Variants in ASTN1 observed in about 807,000 individuals in gnomAD.
ASTN1 encodes astrotactin-1.
In ASTN1, 41 loss-of-function variants were observed where a neutral mutation model predicts 140.7. The observed-to-expected ratio is 0.29, with a 90% CI of 0.23 to 0.38. The LOEUF (loss-of-function observed/expected upper bound fraction) is 0.38, where lower values mean the gene tolerates loss of function less well. ASTN1 is among the 10% of genes least tolerant of loss of function. The pLI is 1.00. For missense variants in ASTN1, 1,479 were observed against 1,678.8 expected, an observed-to-expected ratio of 0.88 and a Z score of 2.08; for synonymous variants, 640 against 652.2, an observed-to-expected ratio of 0.98 and a Z score of 0.29.
intron 1 of ASTN1, among the ~76,000 whole-genome samples, chr1:177,130,666 C>G (rs1185072806): frequency 6.6e-6 from 1 of 152,204 alleles, no homozygotes; most frequent in Non-Finnish European, 1.5e-5. Context: ...AAGTAATGCT[C>G]TAAACCCCCA....
At chr1:177,148,193 C>T (rs976820450) in intron 1 of ASTN1, among the ~76,000 whole-genome samples, 2 of 151,930 alleles carry the variant, frequency 1.3e-5, no homozygotes, top group Non-Finnish European at 2.9e-5. Context: ...CCGAGGCAGG[C>T]GGATCACAAG....
At chr1:177,054,577 TG>T (rs1677705833) in intron 2 of ASTN1, among the ~76,000 whole-genome samples, 1 of 152,112 alleles carries the variant, frequency 6.6e-6, no homozygotes, top group South Asian at 2.1e-4. Context: ...CATTCACCTG[TG>T]GGATAACCTG....
Position 176,946,132 on chromosome 1 carries a change from G to A in ASTN1, c.2055-12C>T. 1 of 1,568,602 alleles carries A rather than the reference G, an allele frequency of 6.4e-7. No homozygotes were observed. The highest frequency in any genetic ancestry group is 8.7e-7 in the Non-Finnish European group (1 of 1,149,732). The stretch of plus-strand genomic sequence containing the variant: ...AGTCCTCGATGCACCTAGCACAGAG[G>A]AGAGCTCAATATAAGAAGTTATTCC... On this transcript the variant is annotated splice_polypyrimidine_tract_variant and intron_variant, in intron 12 of 22. Coordinates refer to ENST00000361833, the MANE Select transcript of ASTN1 (RefSeq NM_004319.3).
intron 1 of ASTN1, among the ~76,000 whole-genome samples, chr1:177,157,500 A>T (rs1202050082): frequency 6.6e-6 from 1 of 152,064 alleles, no homozygotes; most frequent in Non-Finnish European, 1.5e-5. Context: ...TTTTTTGTAG[A>T]GATGGGGTTT....
intron 8 of ASTN1, among the ~76,000 whole-genome samples, chr1:176,997,019 G>A (rs532329446): frequency 1.3e-5 from 2 of 152,274 alleles, no homozygotes; most frequent in Middle Eastern, 3.4e-3. Context: ...TTGGCCAGTG[G>A]TCAGCTGAAA....
intron 1 of ASTN1, among the ~76,000 whole-genome samples, chr1:177,128,684 T>C (rs1681795138): frequency 6.6e-6 from 1 of 152,198 alleles, no homozygotes; most frequent in Non-Finnish European, 1.5e-5. Context: ...TTATGGTCTT[T>C]GGGTATTAGA....
At chr1:177,095,879 C>T (rs948859275) in intron 1 of ASTN1, among the ~76,000 whole-genome samples, 1 of 152,168 alleles carries the variant, frequency 6.6e-6, no homozygotes, top group Non-Finnish European at 1.5e-5. Context: ...GGAGAGCTGC[C>T]TCATCAGCTG....
chr1:176,881,698 T>C (rs1006412594), intron 20 of ASTN1, among the ~76,000 whole-genome samples: 1 of 152,228 alleles, frequency 6.6e-6, no homozygotes, highest in African/African-American at 2.4e-5. Context: ...TCTGTGTCTA[T>C]ATATACTGTC....
At chr1:177,078,000 A>C (rs1267297211) in intron 1 of ASTN1, among the ~76,000 whole-genome samples, 1 of 152,182 alleles carries the variant, frequency 6.6e-6, no homozygotes, top group Non-Finnish European at 1.5e-5. Context: ...TGCACAGGGA[A>C]AGCACAGATG....
intron 1 of ASTN1, among the ~76,000 whole-genome samples, chr1:177,075,443 C>A (rs1279527530): frequency 6.8e-6 from 1 of 146,746 alleles, no homozygotes; most frequent in Non-Finnish European, 1.5e-5. Context: ...AAAAAAAATA[C>A]TAAGTAGCTT....
At position 177,014,811 on chromosome 1, in the gene ASTN1, G is replaced by A. The variant is rs375640704; in HGVS notation, c.1503C>T (p.Asn501=). Residue 501 remains asparagine, a synonymous_variant, in exon 8 of 23, where the codon AAC becomes AAT. Coordinates refer to ENST00000361833, the MANE Select transcript of ASTN1 (RefSeq NM_004319.3). ...CTTACCCCTGGTTTGTCCCCCATTC[G>A]TTCCGAATGCAAAGGTGCTTATGTA... is the stretch of plus-strand genomic sequence containing the variant. ...DPVHKHLCIR[N]EWGTNQGPWP... The A allele has an allele frequency of 3.0e-5, 48 of 1,613,520 alleles. No homozygotes were observed. The highest frequency in any genetic ancestry group is 4.4e-5 in the South Asian group (4 of 91,054).
intron 1 of ASTN1, among the ~76,000 whole-genome samples, chr1:177,129,240 C>T (rs1681822780): frequency 6.6e-6 from 1 of 152,182 alleles, no homozygotes; most frequent in Non-Finnish European, 1.5e-5. Flanking sequence ...ATAATCACTG[C>T]GTTCATAGAA....
rs118008031 is a variant in ASTN1 at position 177,093,640 on chromosome 1, C to A, written c.284-32375G>T. On this transcript the variant is annotated intron_variant, in intron 1 of 22. Coordinates refer to ENST00000361833, the MANE Select transcript of ASTN1 (RefSeq NM_004319.3). ...ACAATACAAAATCAGGAAAAAAGAT[C>A]CTGCACACACCCTCAAGACTGGCTC... is the stretch of plus-strand genomic sequence containing the variant. 1.8e-4 allele frequency among the ~76,000 whole-genome samples: 28 copies of A among 152,228 alleles called. No homozygotes were observed. In the East Asian group the frequency reaches 5.4e-3, roughly 29 times the overall value.
chr1:177,036,775 C>T (rs1676740431), intron 2 of ASTN1, among the ~76,000 whole-genome samples: 3 of 152,096 alleles, frequency 2.0e-5, no homozygotes, highest in South Asian at 4.1e-4. Context: ...GTTACTGTTA[C>T]ATTTTTCAAT....
intron 2 of ASTN1, among the ~76,000 whole-genome samples, chr1:177,043,338 AG>A (rs1444185053): frequency 2.6e-5 from 4 of 152,364 alleles, no homozygotes; most frequent in South Asian, 2.1e-4. Flanking sequence ...CAGGGAAACT[AG>A]GAACTTCATT....
intron 8 of ASTN1, among the ~76,000 whole-genome samples, chr1:176,993,812 A>G (rs947575288): frequency 4.6e-5 from 7 of 152,120 alleles, no homozygotes; most frequent in African/African-American, 1.7e-4. Flanking sequence ...TCATTCATTC[A>G]TTCACTCATT....
Position 176,881,889 on chromosome 1 carries a change from A to G in ASTN1, c.3362+970T>C, listed in dbSNP as rs1247457482. On this transcript the variant is annotated intron_variant, in intron 20 of 22. Transcript: ENST00000361833. ...CTGAACTCTTTAACTGTGGAAATAG[A>G]CATGATTTATTCTGGAAACCTTGAC... Among the ~76,000 whole-genome samples the G allele has an allele frequency of 4.6e-5, 7 of 152,348 alleles. 1 individual carries two copies. Among genetic ancestry groups the G allele is most frequent in the African/African-American group, 1.7e-4 (7 of 41,584 alleles).
intron 1 of ASTN1, among the ~76,000 whole-genome samples, chr1:177,073,936 A>G (rs1370082979): frequency 6.6e-6 from 1 of 152,058 alleles, no homozygotes; most frequent in African/African-American, 2.4e-5. Flanking sequence ...ATTAGTGACA[A>G]GAATAACCTT....
Position 176,974,928 on chromosome 1 carries a change from G to A in ASTN1, c.1524-9691C>T, listed in dbSNP as rs970888469. 3.3e-5 allele frequency among the ~76,000 whole-genome samples: 5 copies of A among 152,276 alleles called. No individual in the cohort carries two copies. In the East Asian group the frequency reaches 9.6e-4, roughly 29 times the overall value. On this transcript the variant is annotated intron_variant, in intron 8 of 22. Coordinates refer to ENST00000361833, the MANE Select transcript of ASTN1 (RefSeq NM_004319.3). ...AAGTCAGAGAATAAGAAAGTGAGGGGCACTGTCATAGGCCCCAGTTATTCA... is the reference window on the plus strand; with the variant it reads ...AAGTCAGAGAATAAGAAAGTGAGGGACACTGTCATAGGCCCCAGTTATTCA...
Sources: allele counts gnomAD v4.1 joint callset (sites outside exome capture counted in the v4.1 genomes callset), GRCh38; gene constraint gnomAD v4.1.1; transcripts MANE v1.5; gene names NCBI Gene and HGNC (gene_info 2026-07-23, HGNC 2026-07-21).